The following RNLS variants were observed in gnomAD, a reference collection of about 807,000 sequenced individuals.
The protein encoded by RNLS is renalase.
In RNLS, 39 loss-of-function variants were observed where a neutral mutation model predicts 39.8. That is an observed-to-expected ratio of 0.98 (90% CI 0.76 to 1.28). The LOEUF is 1.28. RNLS is among the 50% of genes most tolerant of loss of function. The probability of loss-of-function intolerance (pLI) is 0.00; values close to 1 mark genes in which losing one functional copy is unlikely to be tolerated. For missense variants in RNLS, 410 were observed against 413.3 expected, an observed-to-expected ratio of 0.99 and a Z score of 0.07; for synonymous variants, 147 against 150.7, an observed-to-expected ratio of 0.98 and a Z score of 0.18.
At chr10:88,281,989 T>G (rs751648219), downstream of RNLS, among the ~76,000 whole-genome samples, 8 of 152,054 alleles carry the variant, frequency 5.3e-5, no homozygotes, top group Middle Eastern at 3.2e-3. Flanking sequence ...ATGGAAAGGA[T>G]GAACGCACGG....
At chr10:88,258,765 T>C in the RNLS span, among the ~76,000 whole-genome samples, 15 of 152,340 alleles carry the variant, frequency 9.8e-5, no homozygotes, top group African/African-American at 3.4e-4. Flanking sequence ...AACTGTTTGA[T>C]TATTTTCTGC....
At chr10:88,566,219 C>T (rs1849496318) in intron 4 of RNLS, among the ~76,000 whole-genome samples, 1 of 151,550 alleles carries the variant, frequency 6.6e-6, no homozygotes, top group African/African-American at 2.4e-5. Flanking sequence ...AATCTTCTTT[C>T]CAAGTTAAAA....
chr10:88,471,477 G>A (rs916049831), intron 4 of RNLS, among the ~76,000 whole-genome samples: 1 of 152,154 alleles, frequency 6.6e-6, no homozygotes, highest in Non-Finnish European at 1.5e-5. Flanking sequence ...ACCTTTTGGG[G>A]AAGGCAAAGT....
chr10:88,411,083 G>A (rs1455172192), intron 4 of RNLS, among the ~76,000 whole-genome samples: 1 of 152,046 alleles, frequency 6.6e-6, no homozygotes, highest in African/African-American at 2.4e-5. Context: ...TCCTGTAACG[G>A]CCTTTGCTAT....
At chr10:88,513,526 T>A (rs1336692489) in intron 4 of RNLS, among the ~76,000 whole-genome samples, 4 of 152,168 alleles carry the variant, frequency 2.6e-5, no homozygotes, top group Admixed American at 2.0e-4. Flanking sequence ...ATATACCTAA[T>A]CATCCCTTCA....
intron 6 of RNLS, among the ~76,000 whole-genome samples, chr10:88,286,701 GA>G (rs373006040): frequency 7.7e-4 from 115 of 149,396 alleles, no homozygotes; most frequent in African/African-American, 1.8e-3. Context: ...TAAAAATCAG[GA>G]AAAAAAAATC....
chr10:88,281,788 A>G (rs1256541120), downstream of RNLS, among the ~76,000 whole-genome samples: 1 of 152,168 alleles, frequency 6.6e-6, no homozygotes, highest in East Asian at 1.9e-4. Context: ...ACCCTGATAT[A>G]TTAAAACCTG....
At chr10:88,507,419 G>A (rs946536148) in intron 4 of RNLS, among the ~76,000 whole-genome samples, 2 of 152,042 alleles carry the variant, frequency 1.3e-5, no homozygotes, top group Non-Finnish European at 2.9e-5. Context: ...ATAAGAAAGT[G>A]CTATGATAAG....
At chr10:88,184,203 T>C in the RNLS span, among the ~76,000 whole-genome samples, 185 of 152,266 alleles carry the variant, frequency 1.2e-3, 1 homozygote, top group African/African-American at 4.2e-3. Context: ...ATTCTGCCTT[T>C]TCTTCTCTAC....
downstream of RNLS, among the ~76,000 whole-genome samples, chr10:88,280,167 G>A (rs559438660): frequency 1.3e-5 from 2 of 152,134 alleles, no homozygotes; most frequent in South Asian, 2.1e-4. Context: ...TACTTACTAT[G>A]TGTTCAGCAC....
At chr10:88,542,839 G>A (rs1848118461) in intron 4 of RNLS, among the ~76,000 whole-genome samples, 1 of 152,044 alleles carries the variant, frequency 6.6e-6, no homozygotes, top group Non-Finnish European at 1.5e-5. Context: ...AATAAGATAA[G>A]CAGCATCTCC....
chr10:88,264,220 G>A, the RNLS span, among the ~76,000 whole-genome samples: 1 of 152,104 alleles, frequency 6.6e-6, no homozygotes, highest in Non-Finnish European at 1.5e-5. Context: ...TCCACTTGTT[G>A]ATTGATGGAC....
At chr10:88,226,743 T>C in the RNLS span, among the ~76,000 whole-genome samples, 11 of 92,892 alleles carry the variant, frequency 1.2e-4, no homozygotes, top group Admixed American at 2.2e-4. Context: ...CTTCACTTTT[T>C]TTTTTTTTTT....
chr10:88,443,757 G>A (rs1407834929), intron 4 of RNLS, among the ~76,000 whole-genome samples: 3 of 152,216 alleles, frequency 2.0e-5, no homozygotes, highest in Non-Finnish European at 4.4e-5. Context: ...ACTGCAATGC[G>A]GCAGTGAGGC....
At chr10:88,580,095 C>T (rs1423316985) in intron 3 of RNLS, among the ~76,000 whole-genome samples, 1 of 152,154 alleles carries the variant, frequency 6.6e-6, no homozygotes, top group Non-Finnish European at 1.5e-5. Context: ...AGAAGTATAC[C>T]ACCAGCTTTC....
At chr10:88,342,727 C>T (rs1388709427) in intron 5 of RNLS, among the ~76,000 whole-genome samples, 1 of 152,068 alleles carries the variant, frequency 6.6e-6, no homozygotes, top group Non-Finnish European at 1.5e-5. Flanking sequence ...GTGGAAAGGA[C>T]ATTTAAACTG....
rs140820522 is a variant in RNLS, at chr10:88,338,551, T to A, written c.701-23910A>T. 2.2e-3 allele frequency among the ~76,000 whole-genome samples: 337 copies of A among 152,322 alleles called. 1 individual carries two copies. Among genetic ancestry groups the A allele is most frequent in the African/African-American group, 7.7e-3 (322 of 41,570 alleles). On this transcript the variant is annotated intron_variant, in intron 5 of 6. Transcript: ENST00000331772. Reference sequence around the variant, plus strand: ...TATACAGAATCTGGATGACTTATAATACTTTTTAAAGATATCTTAAGATGA... The same window carrying A: ...TATACAGAATCTGGATGACTTATAAAACTTTTTAAAGATATCTTAAGATGA...
chr10:88,394,913 A>G (rs1224832322), intron 4 of RNLS, among the ~76,000 whole-genome samples: 1 of 152,158 alleles, frequency 6.6e-6, no homozygotes, highest in Non-Finnish European at 1.5e-5. Context: ...TGAAACTGGA[A>G]ACAATCATTC....
rs1245611604 is a variant in RNLS at position 88,299,836 on chromosome 10, A to G, written c.877-14330T>C. On this transcript the variant is annotated intron_variant, in intron 6 of 6. Transcript: ENST00000331772. ...CACTAGTTCTTTAAGAAAAATGTTC[A>G]ATAGGAACATTGATTTCCTCATTTA... 2.6e-5 allele frequency among the ~76,000 whole-genome samples: 4 copies of G among 152,314 alleles called. No individual in the cohort carries two copies. In the East Asian group the frequency reaches 7.7e-4, roughly 29 times the overall value.
Sources: allele counts gnomAD v4.1 joint callset (sites outside exome capture counted in the v4.1 genomes callset), GRCh38; gene constraint gnomAD v4.1.1; transcripts MANE v1.5; gene names NCBI Gene and HGNC (gene_info 2026-07-23, HGNC 2026-07-21).